TEAD1: variants seen among roughly 807,000 people sequenced by gnomAD.
TEAD1 encodes transcriptional enhancer factor TEF-1.
Under a neutral mutation model 54.9 loss-of-function variants are expected in TEAD1, and 9 were observed. The ratio of observed to expected loss-of-function variants is 0.16; its 90% CI spans 0.10 to 0.29. TEAD1 has a LOEUF of 0.29. Among genes scored for constraint, TEAD1 ranks in the 10% least tolerant of loss-of-function variants. The pLI, the probability that TEAD1 is intolerant of heterozygous loss-of-function variation, is 1.00. For missense variants in TEAD1, 387 were observed against 535.9 expected (o/e 0.72, Z 2.74); for synonymous variants, 200 against 187.8 (o/e 1.07, Z -0.53).
At chr11:12,776,791 T>TTATTATTATTAA (rs913027862) in intron 3 of TEAD1, among the ~76,000 whole-genome samples, 10 of 120,854 alleles carry the variant, frequency 8.3e-5, no homozygotes, top group South Asian at 2.1e-4. Context: ...ATTATTATTA[T>TTATTATTATTAA]TATTATTATC....
chr11:12,886,182 G>A (rs1948083360), intron 9 of TEAD1, among the ~76,000 whole-genome samples: 1 of 152,222 alleles, frequency 6.6e-6, no homozygotes, highest in Non-Finnish European at 1.5e-5. Context: ...TATTAAATCA[G>A]TGACTATTTT....
At chr11:12,797,753 A>G (rs1283903144) in intron 3 of TEAD1, among the ~76,000 whole-genome samples, 1 of 152,048 alleles carries the variant, frequency 6.6e-6, no homozygotes, top group African/African-American at 2.4e-5. Flanking sequence ...CATCCCATAC[A>G]TTGAAAATGG....
At chr11:12,717,529 T>G (rs541933450) in intron 2 of TEAD1, among the ~76,000 whole-genome samples, 47 of 152,162 alleles carry the variant, frequency 3.1e-4, no homozygotes, top group African/African-American at 1.1e-3. Flanking sequence ...GGGAGATGGG[T>G]GGTTATTAGG....
intron 2 of TEAD1, among the ~76,000 whole-genome samples, chr11:12,679,865 C>G (rs1198512287): frequency 6.6e-6 from 1 of 152,022 alleles, no homozygotes; most frequent in Admixed American, 6.6e-5. Flanking sequence ...TGTAATAATT[C>G]AATAGATCCG....
Position 12,764,331 on chromosome 11 carries a change from G to C in TEAD1, c.99G>C (p.Gly33=), listed in dbSNP as rs771743451. ...AGCCAATTGACAATGATGCAGAAGG[G>C]GTCTGGAGCCCCGACATCGAGCAAA... The change falls in exon 3 of 13, where the codon GGG becomes GGC. Residue 33 remains glycine, a synonymous_variant. Coordinates refer to ENST00000527636, the MANE Select transcript of TEAD1 (RefSeq NM_021961.6). 17 of 1,614,084 alleles carry C rather than the reference G, an allele frequency of 1.1e-5. No individual in the cohort carries two copies. In the African/African-American group the frequency reaches 2.1e-4, roughly 20 times the overall value.
At chr11:12,832,875 C>T (rs926042895) in intron 3 of TEAD1, among the ~76,000 whole-genome samples, 1 of 151,608 alleles carries the variant, frequency 6.6e-6, no homozygotes, top group African/African-American at 2.4e-5. Context: ...GTACTGCAGG[C>T]ACCTGCTAGT....
At chr11:12,887,245 C>T (rs1188384917) in intron 9 of TEAD1, among the ~76,000 whole-genome samples, 1 of 151,884 alleles carries the variant, frequency 6.6e-6, no homozygotes, top group Non-Finnish European at 1.5e-5. Context: ...TACAGGCATC[C>T]ACCACCACGC....
Position 12,937,485 on chromosome 11 carries a change from AG to A in TEAD1, c.*264del, listed in dbSNP as rs2134179851. 3.1e-6 allele frequency: 1 copy of A among 326,624 alleles called. No homozygotes were observed. The highest frequency in any genetic ancestry group is 5.8e-6 in the Non-Finnish European group (1 of 172,704). 20.2% of individuals were successfully genotyped at this position (326,624 alleles called of 1,614,324 possible). ...GTTTCTCTATGTTCTTCAGATGTGC[AG>A]CCCACAATTCCTCGGGAAAGGTGAA... On this transcript the variant is annotated 3_prime_UTR_variant, in exon 13 of 13. Transcript: ENST00000527636.
intron 2 of TEAD1, among the ~76,000 whole-genome samples, chr11:12,710,151 T>A (rs1420552960): frequency 2.0e-5 from 3 of 151,884 alleles, no homozygotes; most frequent in African/African-American, 7.3e-5. Flanking sequence ...ACATAGCAAG[T>A]CCTTGTCTCT....
intron 10 of TEAD1, among the ~76,000 whole-genome samples, chr11:12,911,999 A>C (rs1295214687): frequency 6.6e-6 from 1 of 151,908 alleles, no homozygotes; most frequent in African/African-American, 2.4e-5. Flanking sequence ...TATTTCAATC[A>C]GTAAATGGTC....
At chr11:12,818,677 A>G (rs530118816) in intron 3 of TEAD1, among the ~76,000 whole-genome samples, 7 of 152,282 alleles carry the variant, frequency 4.6e-5, no homozygotes, top group South Asian at 2.1e-4. Context: ...TTCAATATCA[A>G]TGGGTTTCTC....
At chr11:12,696,063 T>G (rs921948497) in intron 2 of TEAD1, among the ~76,000 whole-genome samples, 1 of 152,204 alleles carries the variant, frequency 6.6e-6, no homozygotes, top group Non-Finnish European at 1.5e-5. Context: ...AGAAGACAGT[T>G]GCTTGTTATT....
intron 3 of TEAD1, among the ~76,000 whole-genome samples, chr11:12,819,843 G>T (rs1480467890): frequency 6.6e-6 from 1 of 152,166 alleles, no homozygotes; most frequent in African/African-American, 2.4e-5. Context: ...TTATTTCATA[G>T]ATAACAAAAT....
intron 3 of TEAD1, among the ~76,000 whole-genome samples, chr11:12,837,359 G>C (rs1946914749): frequency 6.6e-6 from 1 of 152,064 alleles, no homozygotes; most frequent in Admixed American, 6.5e-5. Flanking sequence ...CCAGGCATCG[G>C]GTCCTCAGTA....
intron 2 of TEAD1, among the ~76,000 whole-genome samples, chr11:12,707,136 T>C (rs1162095415): frequency 6.2e-5 from 9 of 145,506 alleles, no homozygotes; most frequent in African/African-American, 2.4e-4. Context: ...TTTTTTTTTT[T>C]TCAGAAGCAT....
chr11:12,935,878 G>A (rs1057391941), intron 12 of TEAD1, among the ~76,000 whole-genome samples: 1 of 152,138 alleles, frequency 6.6e-6, no homozygotes, highest in South Asian at 2.1e-4. Context: ...AAAAAAAATT[G>A]TACACGCCAG....
intron 10 of TEAD1, among the ~76,000 whole-genome samples, chr11:12,910,005 G>C (rs1948589234): frequency 6.6e-6 from 1 of 152,076 alleles, no homozygotes; most frequent in Non-Finnish European, 1.5e-5. Flanking sequence ...TAGGAAAGAG[G>C]GATGTCCACC....
intron 3 of TEAD1, among the ~76,000 whole-genome samples, chr11:12,821,043 G>A (rs770083262): frequency 6.6e-6 from 1 of 152,170 alleles, no homozygotes; most frequent in Non-Finnish European, 1.5e-5. Context: ...CTGTTCACCA[G>A]CCTGTCTGCC....
At chr11:12,924,269 A>G (rs1948867474) in intron 10 of TEAD1, among the ~76,000 whole-genome samples, 1 of 152,160 alleles carries the variant, frequency 6.6e-6, no homozygotes, top group African/African-American at 2.4e-5. Context: ...TGCAACTCTA[A>G]GTATCTCTGA....
Sources: gnomAD v4.1 joint callset for allele counts (sites outside exome capture counted in the v4.1 genomes callset) on GRCh38, gnomAD v4.1.1 for gene constraint, MANE v1.5 for transcripts, NCBI Gene and HGNC (gene_info 2026-07-23, HGNC 2026-07-21) for gene names.